MAP2K1: variants seen among roughly 807,000 people sequenced by gnomAD.
MAP2K1 encodes the protein dual specificity mitogen-activated protein kinase kinase 1.
A neutral mutation model predicts 46.3 loss-of-function variants in MAP2K1; 16 were observed. The observed-to-expected ratio is 0.35, with a 90% confidence interval of 0.23 to 0.52. MAP2K1 has a LOEUF of 0.52. Ranked by LOEUF, MAP2K1 falls within the 20% of genes least tolerant of loss-of-function variation. The pLI, the probability that MAP2K1 is intolerant of heterozygous loss-of-function variation, is 0.94. For missense variants in MAP2K1, 263 were observed against 497.1 expected (o/e 0.53, Z 4.48); for synonymous variants, 183 against 185.6 (o/e 0.99, Z 0.11).
chr15:66,427,036 T>C lies in MAP2K1; in HGVS notation c.81-7991T>C, dbSNP rs1330836808. 2.0e-5 allele frequency among the ~76,000 whole-genome samples: 3 copies of C among 152,254 alleles called. No homozygotes were observed. The East Asian group carries it at 5.8e-4, about 29-fold the overall frequency. On this transcript the variant is annotated intron_variant, in intron 1 of 10. Transcript: ENST00000307102. ...TCCTTTGAGAATAAATTGATTGTTT[T>C]GTCTTCCCAGGTCTTTGAGAATGCG...
intron 5 of MAP2K1, among the ~76,000 whole-genome samples, chr15:66,460,814 G>A (rs746446371): frequency 8.5e-5 from 13 of 152,146 alleles, no homozygotes; most frequent in Non-Finnish European, 1.6e-4. Flanking sequence ...GACAGGATGG[G>A]GACAGATGGG....
intron 1 of MAP2K1, chr15:66,415,155 G>A (rs1276377006): frequency 5.7e-6 from 3 of 525,430 alleles, no homozygotes; most frequent in Admixed American, 3.9e-5. Context: ...CCCCTAGTTT[G>A]ACCTCCAGAA....
At chr15:66,484,892 G>C in intron 6 of MAP2K1, 98 bp from the exon 7 acceptor site, 1 of 1,019,530 alleles carries the variant, frequency 9.8e-7, no homozygotes, top group Non-Finnish European at 1.5e-6. Flanking sequence ...CTTGAAACAG[G>C]ATATGAACTA....
chr15:66,481,933 C>T, intron 6 of MAP2K1, 54 bp downstream of exon 6: 1 of 1,592,914 alleles, frequency 6.3e-7, no homozygotes, highest in Non-Finnish European at 8.6e-7. Context: ...GGGAGAGGAG[C>T]CCAGTGGGTG....
chr15:66,457,142 C>T (rs553981403), intron 5 of MAP2K1, among the ~76,000 whole-genome samples: 7 of 152,172 alleles, frequency 4.6e-5, no homozygotes, highest in South Asian at 2.1e-4. Context: ...TTTTTGAGAC[C>T]GAGTCTCGCT....
In MAP2K1 at chr15:66,444,835, A is replaced by G. The variant is rs1227493851; in HGVS notation, c.568+128A>G. ...TAATAACATGTTAAATCTTTTATTA[A>G]AAGTCTTTGTTTAGTTTGGTGGCTG... On this transcript the variant is annotated intron_variant, in intron 5 of 10. Transcript: ENST00000307102. 11 of 839,120 alleles carry G rather than the reference A, an allele frequency of 1.3e-5. No homozygotes were observed. The East Asian group carries it at 2.7e-4, about 21-fold the overall frequency. 52.0% of individuals were successfully genotyped at this position (839,120 alleles called of 1,614,324 possible).
chr15:66,476,256 C>T (rs762952095), intron 5 of MAP2K1, among the ~76,000 whole-genome samples: 5 of 152,140 alleles, frequency 3.3e-5, no homozygotes, highest in African/African-American at 7.2e-5. Context: ...TGCTGGGGAC[C>T]CTCTCAGCAT....
intron 5 of MAP2K1, among the ~76,000 whole-genome samples, chr15:66,478,786 A>G (rs1892844613): frequency 6.6e-6 from 1 of 151,700 alleles, no homozygotes; most frequent in East Asian, 1.9e-4. Context: ...TGGGTTTTAT[A>G]TTTTTCTTTG....
At chr15:66,478,253 A>T (rs115481203) in intron 5 of MAP2K1, among the ~76,000 whole-genome samples, 11,447 of 146,824 alleles carry the variant, frequency 0.078, 1,482 homozygotes, top group African/African-American at 0.27. Context: ...TATATATATA[A>T]AAATCTGTGT....
At chr15:66,427,061 G>A (rs2093461104) in intron 1 of MAP2K1, among the ~76,000 whole-genome samples, 1 of 152,156 alleles carries the variant, frequency 6.6e-6, no homozygotes, top group African/African-American at 2.4e-5. Flanking sequence ...TTGAGAATGC[G>A]TAAGTTCCGG....
Position 66,397,076 on chromosome 15 carries a change from C to T in MAP2K1, c.80+9649C>T, listed in dbSNP as rs56804394. 4.9e-3 allele frequency among the ~76,000 whole-genome samples: 675 copies of T among 137,706 alleles called. 5 individuals are homozygous for T. Among genetic ancestry groups the T allele is most frequent in the African/African-American group, 0.017 (644 of 36,870 alleles). The allele number at this position is 137,706 out of a possible 152,430, so 90.3% of individuals were successfully genotyped here. A position where few individuals can be genotyped will look rare whatever the true frequency, so the allele number is the denominator to read the frequency against. On this transcript the variant is annotated intron_variant, in intron 1 of 10. Coordinates refer to ENST00000307102, the MANE Select transcript of MAP2K1 (RefSeq NM_002755.4). ...CTGGAGTGCAGTGGCACAATCTCGG[C>T]TCACTGCAAGCTCCGCCTCCTGGGT...
At chr15:66,393,045 C>T (rs2093360296) in intron 1 of MAP2K1, among the ~76,000 whole-genome samples, 1 of 152,166 alleles carries the variant, frequency 6.6e-6, no homozygotes, top group African/African-American at 2.4e-5. Context: ...ATGACCATGC[C>T]CATCCTTGCA....
At chr15:66,409,004 G>T (rs1566998736) in intron 1 of MAP2K1, among the ~76,000 whole-genome samples, 1 of 152,194 alleles carries the variant, frequency 6.6e-6, no homozygotes, top group Non-Finnish European at 1.5e-5. Context: ...CTGGCTTTGA[G>T]TTTATGAGGG....
chr15:66,463,563 A>G (rs1265015401), intron 5 of MAP2K1, among the ~76,000 whole-genome samples: 2 of 151,720 alleles, frequency 1.3e-5, no homozygotes, highest in Admixed American at 6.6e-5. Context: ...GCTCACTTCA[A>G]CCTCCACCTC....
At chr15:66,390,164 A>G (rs937190811) in intron 1 of MAP2K1, among the ~76,000 whole-genome samples, 2 of 152,178 alleles carry the variant, frequency 1.3e-5, no homozygotes, top group South Asian at 2.1e-4. Flanking sequence ...ATCTACCTCT[A>G]TGACTCATTG....
intron 1 of MAP2K1, among the ~76,000 whole-genome samples, chr15:66,425,880 C>T (rs1462127367): frequency 6.6e-6 from 1 of 152,202 alleles, no homozygotes; most frequent in Non-Finnish European, 1.5e-5. Context: ...TAAGAGACAA[C>T]ACTTTGGCTA....
chr15:66,416,830 T>C (rs939843801), intron 1 of MAP2K1, among the ~76,000 whole-genome samples: 17 of 152,140 alleles, frequency 1.1e-4, no homozygotes. Context: ...AATCTAATGG[T>C]GTTAGGTGTC....
chr15:66,402,506 G>T (rs2093384563), intron 1 of MAP2K1, among the ~76,000 whole-genome samples: 1 of 152,074 alleles, frequency 6.6e-6, no homozygotes, highest in South Asian at 2.1e-4. Flanking sequence ...TTTTAATTTG[G>T]TGGGGTTAAG....
chr15:66,421,258 C>G (rs2093442794), intron 1 of MAP2K1, among the ~76,000 whole-genome samples: 1 of 151,856 alleles, frequency 6.6e-6, no homozygotes, highest in Non-Finnish European at 1.5e-5. Context: ...GCCTTGGCCC[C>G]CCAAGTAGTT....
Sources: gnomAD v4.1 joint callset for allele counts (sites outside exome capture counted in the v4.1 genomes callset) on GRCh38, gnomAD v4.1.1 for gene constraint, MANE v1.5 for transcripts, NCBI Gene and HGNC (gene_info 2026-07-23, HGNC 2026-07-21) for gene names.